The following USP34 variants were observed in gnomAD, a reference collection of about 807,000 sequenced individuals.
USP34 encodes ubiquitin specific peptidase 34.
USP34 carries 70 observed loss-of-function variants against 460.3 expected under a neutral mutation model. That is an observed-to-expected ratio of 0.15 (90% CI 0.13 to 0.19). USP34 has a LOEUF of 0.19. Ranked by LOEUF, USP34 falls within the 10% of genes least tolerant of loss-of-function variation. USP34 has a pLI of 1.00. For missense variants in USP34, 3,985 were observed against 4,236.2 expected (o/e 0.94, Z 1.65); for synonymous variants, 1,647 against 1,405.3 (o/e 1.17, Z -3.85).
intron 45 of USP34, 28 bp downstream of exon 45, chr2:61,257,176 A>C: frequency 1.9e-6 from 3 of 1,584,708 alleles, no homozygotes; most frequent in Non-Finnish European, 2.6e-6. Context: ...CAAATTTCAA[A>C]GAAACTTTTC....
Position 61,311,843 on chromosome 2 carries a change from T to C in USP34, c.3610A>G (p.Ser1204Gly). The C allele has an allele frequency of 1.9e-6, 3 of 1,614,060 alleles. No homozygotes were observed. Among genetic ancestry groups the C allele is most frequent in the Non-Finnish European group, 2.5e-6 (3 of 1,179,952 alleles). Residue 1204 changes from serine to glycine, a missense_variant, in exon 26 of 80, where the codon AGT becomes GGT. Physicochemically the swap from Ser to Gly is moderately conservative, Grantham distance 56. Transcript: ENST00000398571. ...TGISSHLKAL[S>G]DKQSLPLRVV... ...CTTAGCGGCAGAGACTGTTTGTCACTCAGTGCTTTCAAATGACTACTAATA... is the reference window on the plus strand; with the variant it reads ...CTTAGCGGCAGAGACTGTTTGTCACCCAGTGCTTTCAAATGACTACTAATA...
At position 61,188,522 on chromosome 2, in the gene USP34, A is replaced by T. The variant is rs372461803; in HGVS notation, c.10221T>A (p.Pro3407=). ...GGTATTCTTTAACAGAACTATTTTCAGGGGAAGGAAGATCTTGCTCAGTTC... is the reference window on the plus strand; with the variant it reads ...GGTATTCTTTAACAGAACTATTTTCTGGGGAAGGAAGATCTTGCTCAGTTC... The part of the protein sequence containing the change: ...DPGTEQDLPS[P]ENSSVKEYRM... Residue 3407 remains proline (P), a synonymous_variant, in exon 80 of 80, where the codon CCT becomes CCA. Transcript: ENST00000398571. 1.2e-6 allele frequency: 2 copies of T among 1,614,100 alleles called. No individual in the cohort carries two copies. The highest frequency in any genetic ancestry group is 2.2e-5 in the East Asian group (1 of 44,906).
intron 3 of USP34, among the ~76,000 whole-genome samples, chr2:61,405,277 A>T (rs978576107): frequency 4.0e-5 from 6 of 151,526 alleles, no homozygotes; most frequent in Non-Finnish European, 5.9e-5. Flanking sequence ...AAAGAAAGAA[A>T]AGGAAATACT....
At chr2:61,313,091 A>G (rs1572925315) in intron 25 of USP34, among the ~76,000 whole-genome samples, 1 of 152,128 alleles carries the variant, frequency 6.6e-6, no homozygotes. Flanking sequence ...TTTTTAAACT[A>G]CTGCTTAGTT....
At chr2:61,349,430 G>C in intron 12 of USP34, 145 bp from the exon 13 acceptor site, 2 of 714,008 alleles carry the variant, frequency 2.8e-6, no homozygotes, top group Non-Finnish European at 4.5e-6. Context: ...ACCTACAGTA[G>C]TTGTTGGGGG....
At chr2:61,317,352 C>A (rs1690780929) in intron 23 of USP34, among the ~76,000 whole-genome samples, 1 of 152,170 alleles carries the variant, frequency 6.6e-6, no homozygotes, top group South Asian at 2.1e-4. Context: ...CATGGTAAAA[C>A]CCTGTCTCTA....
chr2:61,452,841 C>G (rs1005687173), intron 1 of USP34, among the ~76,000 whole-genome samples: 1 of 150,404 alleles, frequency 6.6e-6, no homozygotes, highest in African/African-American at 2.5e-5. Context: ...GTCTTGATCA[C>G]GCCACTCACT....
intron 68 of USP34, 129 bp from the exon 69 acceptor site, chr2:61,212,058 A>T (rs1460676670): frequency 7.3e-6 from 9 of 1,226,020 alleles, no homozygotes; most frequent in Non-Finnish European, 9.7e-6. Flanking sequence ...TTCCATTCAG[A>T]AAGTTATAAA....
chr2:61,442,417 A>AAG (rs1553392276), intron 1 of USP34, among the ~76,000 whole-genome samples: 2 of 151,672 alleles, frequency 1.3e-5, no homozygotes, highest in African/African-American at 4.9e-5. Context: ...AAAAAAAAAA[A>AAG]AAAAGAAAAA....
chr2:61,331,678 T>C (rs1572941596), intron 19 of USP34, among the ~76,000 whole-genome samples: 1 of 152,050 alleles, frequency 6.6e-6, no homozygotes, highest in South Asian at 2.1e-4. Flanking sequence ...GAATATACTA[T>C]GTGCTTTGGT....
intron 76 of USP34, among the ~76,000 whole-genome samples, chr2:61,192,444 AAAC>A (rs1185083893): frequency 6.6e-6 from 1 of 152,258 alleles, no homozygotes; most frequent in Non-Finnish European, 1.5e-5. Flanking sequence ...CGCTGTAAGA[AAAC>A]AAGTGCATCA....
rs1338397697 is a variant in USP34 at position 61,293,470 on chromosome 2, C to G, written c.4542G>C (p.Trp1514Cys). The change falls in exon 33 of 80, where the codon TGG becomes TGC. Residue 1514 changes from tryptophan (W) to cysteine (C), a missense_variant. Around this residue, in one of 14 missense-constraint regions of USP34, gnomAD observed 1,114 missense variants for 1,122.5 expected, o/e 0.99. Transcript: ENST00000398571. ...GILEPKEQES[W>C]TVWQLDCLAC... ...ACCATAAATATGCACTTACCACAGTCCATGATTCCTGCTCTTTAGGCTCTA... is the reference window on the plus strand; with the variant it reads ...ACCATAAATATGCACTTACCACAGTGCATGATTCCTGCTCTTTAGGCTCTA... 1 of 1,612,076 alleles carries G rather than the reference C, an allele frequency of 6.2e-7. No homozygotes were observed. The highest frequency in any genetic ancestry group is 1.7e-5 in the Admixed American group (1 of 59,926).
At chr2:61,310,064 C>G (rs1369948828) in intron 27 of USP34, among the ~76,000 whole-genome samples, 2 of 152,068 alleles carry the variant, frequency 1.3e-5, no homozygotes, top group Admixed American at 1.3e-4. Context: ...AAAATCAAGA[C>G]AGTGTTAAGG....
At chr2:61,317,161 T>G (rs1690774584) in intron 23 of USP34, among the ~76,000 whole-genome samples, 1 of 152,212 alleles carries the variant, frequency 6.6e-6, no homozygotes, top group African/African-American at 2.4e-5. Context: ...TGTAATAGAT[T>G]TTCATTAAGC....
intron 62 of USP34, chr2:61,226,703 C>G (rs1274251709): frequency 6.1e-6 from 1 of 165,164 alleles, no homozygotes; most frequent in Non-Finnish European, 1.3e-5. Context: ...TTTCAATAAA[C>G]AGATTTGCAT....
chr2:61,261,361 T>C (rs1405182780), intron 43 of USP34, among the ~76,000 whole-genome samples: 1 of 152,232 alleles, frequency 6.6e-6, no homozygotes, highest in Non-Finnish European at 1.5e-5. Context: ...ACAGCATGGA[T>C]AACCCTTGAA....
intron 1 of USP34, among the ~76,000 whole-genome samples, chr2:61,447,348 A>C (rs550400605): frequency 6.6e-6 from 1 of 151,728 alleles, no homozygotes; most frequent in Admixed American, 6.6e-5. Context: ...GCACCTTTCA[A>C]GTTCATGGTG....
At chr2:61,226,857 G>A in intron 62 of USP34, 1 of 522,968 alleles carries the variant, frequency 1.9e-6, no homozygotes, top group Non-Finnish European at 3.1e-6. Flanking sequence ...TGAAGTAAAA[G>A]TTTGGTAGAA....
At position 61,220,047 on chromosome 2, in the gene USP34, T is replaced by C. The variant is rs74467991; in HGVS notation, c.8047+263A>G. 509 of 290,738 alleles carry C rather than the reference T, an allele frequency of 1.8e-3. 15 individuals carry two copies. In the East Asian group the frequency reaches 0.03, roughly 17 times the overall value. The allele number at this position is 290,738 out of a possible 1,614,324, so 18.0% of individuals were successfully genotyped here. On this transcript the variant is annotated intron_variant, in intron 67 of 79. Transcript: ENST00000398571. ...AAGACAGGATTTTCAAACCTTTTTA[T>C]TCCCTTCATTACTGCTGATCATGCC...
Sources: allele counts gnomAD v4.1 joint callset (sites outside exome capture counted in the v4.1 genomes callset), GRCh38; gene constraint gnomAD v4.1.1; regional missense constraint gnomAD v4.1.1; transcripts MANE v1.5; gene names NCBI Gene and HGNC (gene_info 2026-07-23, HGNC 2026-07-21).